Variants in SURF1 observed in about 807,000 individuals in gnomAD.
SURF1 encodes surfeit locus protein 1.
SURF1 carries 45 observed loss-of-function variants against 34.1 expected under a neutral mutation model. That is an observed-to-expected ratio of 1.32 (90% CI 1.04 to 1.69). The LOEUF is 1.69. SURF1 is among the 40% of genes most tolerant of loss of function. The probability of loss-of-function intolerance (pLI) is 0.00; values close to 1 mark genes in which losing one functional copy is unlikely to be tolerated. For synonymous variants in SURF1, 188 were observed against 147.5 expected (o/e 1.27, Z -1.99); for missense variants, 456 against 384.6 (o/e 1.19, Z -1.55).
chr9:133,354,514 C>CAGAT, intron 4 of SURF1, 145 bp downstream of exon 4: 1 of 988,820 alleles, frequency 1.0e-6, no homozygotes, highest in Non-Finnish European at 1.6e-6. Context: ...GCAAGCCCAA[C>CAGAT]AGATGACTGA....
chr9:133,352,249 C>CGTAAA (rs1836440018), intron 7 of SURF1, 107 bp from the exon 8 acceptor site: 1 of 1,382,298 alleles, frequency 7.2e-7, no homozygotes, highest in Non-Finnish European at 1.0e-6. Context: ...CCTGTATGGC[C>CGTAAA]TTTACGTTGG....
In SURF1 at chr9:133,353,836, A is replaced by C; in HGVS notation, c.428T>G (p.Val143Gly). 2 of 1,613,878 alleles carry C rather than the reference A, an allele frequency of 1.2e-6. No homozygotes were observed. Among genetic ancestry groups the C allele is most frequent in the Non-Finnish European group, 1.7e-6 (2 of 1,180,044 alleles). Residue 143 changes from valine (V) to glycine (G), a missense_variant, in exon 5 of 9, where the codon GTC becomes GGC. Val to Gly is a moderately radical substitution (Grantham distance 109). Transcript: ENST00000371974. ...YMMPRTMVDPVREAREGGLIS... is the reference protein window; with the variant it reads ...YMMPRTMVDPGREAREGGLIS... Reference sequence around the variant, plus strand: ...GAGGCCGCCCTCCCGGGCCTCCCGGACAGGGTCCACCATGGTCCGGGGCAT... The same window carrying C: ...GAGGCCGCCCTCCCGGGCCTCCCGGCCAGGGTCCACCATGGTCCGGGGCAT...
rs1285363984 is a variant in SURF1, at chr9:133,356,331, G to T, written c.55-11C>A. On this transcript the variant is annotated splice_polypyrimidine_tract_variant and intron_variant, in intron 1 of 8. Transcript: ENST00000371974. ...GGCGCTGGCCGGGGCCTGCGGACAC[G>T]GACGGGCGGGCTGAGCTCCGGGACC... The T allele has an allele frequency of 1.3e-6, 2 of 1,512,800 alleles. No individual in the cohort carries two copies. The highest frequency in any genetic ancestry group is 8.8e-7 in the Non-Finnish European group (1 of 1,137,654). 93.7% of individuals were successfully genotyped at this position (1,512,800 alleles called of 1,614,324 possible).
rs1387869722 is a variant in SURF1, at chr9:133,356,203, G to A, written c.106+66C>T. 1.1e-5 allele frequency: 17 copies of A among 1,521,526 alleles called. No homozygotes were observed. In the South Asian group the frequency reaches 1.3e-4, roughly 12 times the overall value. The allele number at this position is 1,521,526 out of a possible 1,614,324, so 94.3% of individuals were successfully genotyped here. A position where few individuals can be genotyped will look rare whatever the true frequency, so the allele number is the denominator to read the frequency against. The stretch of plus-strand genomic sequence containing the variant: ...TCAATCCCCACGACAACCCTTCAAA[G>A]TGCAGGGCAGACAGCAGGTGGCTCT... On this transcript the variant is annotated intron_variant, in intron 2 of 8. Coordinates refer to ENST00000371974, the MANE Select transcript of SURF1 (RefSeq NM_003172.4).
chr9:133,352,434 T>C lies in SURF1; in HGVS notation c.751+12A>G, dbSNP rs1283829192. ...AGCTACTTGTTCCGAGATGGGCTGG[T>C]CCACAACGTACGGAAGTTGGCATCA... On this transcript the variant is annotated intron_variant, in intron 7 of 8. Coordinates refer to ENST00000371974, the MANE Select transcript of SURF1 (RefSeq NM_003172.4). 1 of 1,614,088 alleles carries C rather than the reference T, an allele frequency of 6.2e-7. No individual in the cohort carries two copies. The highest frequency in any genetic ancestry group is 2.2e-5 in the East Asian group (1 of 44,900).
In SURF1 at chr9:133,352,677, G is replaced by T; in HGVS notation, c.588+17C>A. 1.2e-6 allele frequency: 2 copies of T among 1,613,798 alleles called. No individual in the cohort carries two copies. The highest frequency in any genetic ancestry group is 1.7e-6 in the Non-Finnish European group (2 of 1,179,912). ...CCCAGAGCCTTCTCTAAAGTAGGAAGAGTCCATGTCCCTTACCTGGCCTTT... is the reference window on the plus strand; with the variant it reads ...CCCAGAGCCTTCTCTAAAGTAGGAATAGTCCATGTCCCTTACCTGGCCTTT... On this transcript the variant is annotated intron_variant, in intron 6 of 8. Coordinates refer to ENST00000371974, the MANE Select transcript of SURF1 (RefSeq NM_003172.4).
chr9:133,352,882 AG>A, intron 5 of SURF1, 116 bp from the exon 6 acceptor site: 1 of 1,203,590 alleles, frequency 8.3e-7, no homozygotes, highest in Non-Finnish European at 1.2e-6. Context: ...CTTTTAAAAC[AG>A]GGCTGGCTCA....
rs1836522516 is a variant in SURF1 at position 133,354,742 on chromosome 9, C to A, written c.241-1G>T. On this transcript the variant is annotated splice_acceptor_variant, in intron 3 of 8. Transcript: ENST00000371974. LOFTEE classifies it high-confidence loss of function. ...TCAGCTTCCACTTCCGACGCTGGAC[C>A]TACAGTGACAGAGCATAAGGCCAAG... is the stretch of plus-strand genomic sequence containing the variant. The A allele has an allele frequency of 1.2e-6, 2 of 1,613,588 alleles. No individual in the cohort carries two copies. The highest frequency in any genetic ancestry group is 8.5e-7 in the Non-Finnish European group (1 of 1,180,040).
In SURF1 at chr9:133,354,590, C is replaced by A. The variant is rs1836516632; in HGVS notation, c.323+69G>T. On this transcript the variant is annotated intron_variant, in intron 4 of 8. Transcript: ENST00000371974. ...GTCCCACCAAAAGGGGCAAGCTGGC[C>A]AGCAGAAGCCAGGGCTCTGCTGTTG... 3 of 1,589,400 alleles carry A rather than the reference C, an allele frequency of 1.9e-6. No individual in the cohort carries two copies. The African/African-American group carries it at 4.0e-5, about 21-fold the overall frequency.
Position 133,351,857 on chromosome 9 carries a change from A to G in SURF1, c.*56T>C, listed in dbSNP as rs146961623. ...ATACCAGTAGCACATGATCCAGCAT[A>G]AAGGCAGTCTTGAAATACTGCATTA... On this transcript the variant is annotated 3_prime_UTR_variant, in exon 9 of 9. Coordinates refer to ENST00000371974, the MANE Select transcript of SURF1 (RefSeq NM_003172.4). 1.1e-4 allele frequency: 178 copies of G among 1,562,672 alleles called. No homozygotes were observed. Among genetic ancestry groups the G allele is most frequent in the African/African-American group, 2.3e-4 (17 of 74,288 alleles).
Position 133,352,714 on chromosome 9 carries a change from C to T in SURF1, c.568G>A (p.Glu190Lys). The T allele has an allele frequency of 6.2e-7, 1 of 1,613,354 alleles. No individual in the cohort carries two copies. The highest frequency in any genetic ancestry group is 8.5e-7 in the Non-Finnish European group (1 of 1,179,824). ...CTTACCTGGCCTTTCTGCCGGGTTT[C>T]AGGATTCACTTTCTTCCTGGGAACG... Reference protein sequence around the residue: ...GFVPRKKVNPETRQKGQIEGE... With the variant: ...GFVPRKKVNPKTRQKGQIEGE... Residue 190 changes from glutamate (E) to lysine (K), a missense_variant, in exon 6 of 9, where the codon GAA becomes AAA. Transcript: ENST00000371974.
chr9:133,351,830 TTA>T lies in SURF1; in HGVS notation c.*81_*82del. 1 of 1,467,478 alleles carries T rather than the reference TTA, an allele frequency of 6.8e-7. No individual in the cohort carries two copies. Among genetic ancestry groups the T allele is most frequent in the East Asian group, 2.3e-5 (1 of 42,906 alleles). 90.9% of individuals were successfully genotyped at this position (1,467,478 alleles called of 1,614,324 possible). A position where few individuals can be genotyped will look rare whatever the true frequency, so the allele number is the denominator to read the frequency against. On this transcript the variant is annotated 3_prime_UTR_variant, in exon 9 of 9. Coordinates refer to ENST00000371974, the MANE Select transcript of SURF1 (RefSeq NM_003172.4). ...TCATTTAAGGTAGAAGGCCAGAACTTTATACCAGTAGCACATGATCCAGCATA... is the reference window on the plus strand; with the variant it reads ...TCATTTAAGGTAGAAGGCCAGAACTTTACCAGTAGCACATGATCCAGCATA...
chr9:133,353,089 C>T (rs1836477959), intron 5 of SURF1, among the ~76,000 whole-genome samples: 1 of 152,206 alleles, frequency 6.6e-6, no homozygotes, highest in African/African-American at 2.4e-5. Context: ...AGACCCCACA[C>T]CTCTCCCCTG....
chr9:133,353,729 C>G lies in SURF1; in HGVS notation c.515+20G>C, dbSNP rs1479317463. On this transcript the variant is annotated intron_variant, in intron 5 of 8. Transcript: ENST00000371974. ...TGACTGCCTCTGCCAGGACAGCCAG[C>G]TCCCACATGTCCTACTCACCCCAGG... 1 of 1,613,302 alleles carries G rather than the reference C, an allele frequency of 6.2e-7. No individual in the cohort carries two copies. Among genetic ancestry groups the G allele is most frequent in the East Asian group, 2.2e-5 (1 of 44,900 alleles).
Position 133,354,839 on chromosome 9 carries a change from G to A in SURF1, c.225C>T (p.Gly75=), listed in dbSNP as rs948692485. The A allele has an allele frequency of 6.2e-7, 1 of 1,613,844 alleles. No individual in the cohort carries two copies. The highest frequency in any genetic ancestry group is 8.5e-7 in the Non-Finnish European group (1 of 1,180,030). The change falls in exon 3 of 9, where the codon GGC becomes GGT. Residue 75 remains glycine (G), a synonymous_variant. Coordinates refer to ENST00000371974, the MANE Select transcript of SURF1 (RefSeq NM_003172.4). The part of the protein sequence containing the change: ...VLLLIPVTAF[G]LGTWQVQRRK... ...CGGTCTTTACCTGCCATGTCCCCAA[G>A]CCAAAGGCAGTCACAGGGATGAGGA...
Position 133,354,741 on chromosome 9 carries a change from C to T in SURF1, c.241G>A (p.Val81Ile). ...TTCAGCTTCCACTTCCGACGCTGGA[C>T]CTACAGTGACAGAGCATAAGGCCAA... ...VTAFGLGTWQ[V>I]QRRKWKLNLI... Residue 81 changes from valine (V) to isoleucine (I), a missense_variant and splice_region_variant, in exon 4 of 9, where the codon GTC becomes ATC. By Grantham distance (29) the Val-to-Ile change is conservative. Coordinates refer to ENST00000371974, the MANE Select transcript of SURF1 (RefSeq NM_003172.4). 1 of 1,613,694 alleles carries T rather than the reference C, an allele frequency of 6.2e-7. No individual in the cohort carries two copies. The highest frequency in any genetic ancestry group is 8.5e-7 in the Non-Finnish European group (1 of 1,180,034).
chr9:133,355,306 C>A (rs2130021274), intron 2 of SURF1, among the ~76,000 whole-genome samples: 4 of 152,188 alleles, frequency 2.6e-5, no homozygotes, highest in African/African-American at 9.6e-5. Context: ...GTTGGCCGGG[C>A]ACGGTGGCTC....
At position 133,354,752 on chromosome 9, in the gene SURF1, A is replaced by G. The variant is rs2130018311; in HGVS notation, c.241-11T>C. 1.9e-6 allele frequency: 3 copies of G among 1,613,746 alleles called. No individual in the cohort carries two copies. The highest frequency in any genetic ancestry group is 2.5e-6 in the Non-Finnish European group (3 of 1,180,030). ...CTTCCGACGCTGGACCTACAGTGAC[A>G]GAGCATAAGGCCAAGCAGATGGCAG... On this transcript the variant is annotated splice_polypyrimidine_tract_variant and intron_variant, in intron 3 of 8. Coordinates refer to ENST00000371974, the MANE Select transcript of SURF1 (RefSeq NM_003172.4).
At chr9:133,356,018 C>T in intron 2 of SURF1, 2 of 579,134 alleles carry the variant, frequency 3.5e-6, no homozygotes, top group South Asian at 2.0e-5. Flanking sequence ...ACTCTCGAGC[C>T]TTCTCTGTAA....
Sources: gnomAD v4.1 joint callset for allele counts (sites outside exome capture counted in the v4.1 genomes callset) on GRCh38, gnomAD v4.1.1 for gene constraint, MANE v1.5 for transcripts, NCBI Gene and HGNC (gene_info 2026-07-23, HGNC 2026-07-21) for gene names.